The following KCNQ1OT1 variants were observed in gnomAD, a reference collection of about 807,000 sequenced individuals.
KCNQ1OT1 encodes the protein KCNQ1 opposite strand/antisense transcript 1.
chr11:2,659,590 A>G lies in KCNQ1OT1; in HGVS notation n.40405T>C. 1 of 398,548 alleles carries G rather than the reference A, an allele frequency of 2.5e-6. No individual in the cohort carries two copies. Among genetic ancestry groups the G allele is most frequent in the Non-Finnish European group, 4.4e-6 (1 of 226,026 alleles). The allele number at this position is 398,548 out of a possible 1,614,324, so 24.7% of individuals were successfully genotyped here. On this transcript the variant is annotated non_coding_transcript_exon_variant, in exon 1 of 1. Coordinates refer to ENST00000597346, the Ensembl canonical transcript of KCNQ1OT1. This position sits in a 1 kb window ranked among gnomAD's most constrained non-coding sequence, Gnocchi z 4.3. ...CATTTATGTACAGGTTTTTGCGAAC[A>G]TAAAAATTCAATTCACTTGGGTGGG...
At chr11:2,693,059 T>A (rs1300147862) in exon 1 of KCNQ1OT1, 2 of 398,516 alleles carry the variant, frequency 5.0e-6, no homozygotes, top group African/African-American at 2.1e-5. Context: ...GAGAAAGGCA[T>A]CCAGTTAGCC....
At chr11:2,609,520 A>G in exon 1 of KCNQ1OT1, 1 of 398,368 alleles carries the variant, frequency 2.5e-6, no homozygotes, top group Admixed American at 4.4e-5. Flanking sequence ...GAAGTGCTCT[A>G]TAATTACCTT....
Position 2,627,227 on chromosome 11 carries a change from TA to T in KCNQ1OT1, n.72767del, listed in dbSNP as rs1199095708. On this transcript the variant is annotated non_coding_transcript_exon_variant, in exon 1 of 1. Transcript: ENST00000597346. The surrounding 1 kb of genome is among the most constrained non-coding windows in gnomAD (Gnocchi z 4.9). ...TTGACAAATTAAAAGTGCATATATT[TA>T]AGAACATATTTGACCTACTGTGAAA... The T allele has an allele frequency of 2.5e-5, 10 of 398,442 alleles. No homozygotes were observed. In the Admixed American group the frequency reaches 4.4e-4, roughly 18 times the overall value. The allele number at this position is 398,442 out of a possible 1,614,324, so 24.7% of individuals were successfully genotyped here. A position where few individuals can be genotyped will look rare whatever the true frequency, so the allele number is the denominator to read the frequency against.
chr11:2,699,275 G>A (rs1850730865), exon 1 of KCNQ1OT1: 1 of 398,870 alleles, frequency 2.5e-6, no homozygotes, highest in East Asian at 3.6e-5. Flanking sequence ...GCCCAGGCCA[G>A]GCTGCACTGC....
rs1849686905 is a variant in KCNQ1OT1 at position 2,647,659 on chromosome 11, GAT to G, written n.52334_52335del. On this transcript the variant is annotated non_coding_transcript_exon_variant, in exon 1 of 1. Coordinates refer to ENST00000597346, the Ensembl canonical transcript of KCNQ1OT1. This position sits in a 1 kb window ranked among gnomAD's most constrained non-coding sequence, Gnocchi z 4.0. Reference sequence around the variant, plus strand: ...TTCTTTACTGGGAGACTTTATTACTGATACAATCTCATTCCTTGTTATTGCTC... The same window carrying G: ...TTCTTTACTGGGAGACTTTATTACTGACAATCTCATTCCTTGTTATTGCTC... 2.5e-6 allele frequency: 1 copy of G among 398,338 alleles called. No individual in the cohort carries two copies. Among genetic ancestry groups the G allele is most frequent in the Non-Finnish European group, 4.4e-6 (1 of 226,026 alleles). The allele number at this position is 398,338 out of a possible 1,614,324, so 24.7% of individuals were successfully genotyped here.
rs1849172745 is a variant in KCNQ1OT1 at position 2,621,546 on chromosome 11, G to C, written n.78449C>G. 1 of 398,282 alleles carries C rather than the reference G, an allele frequency of 2.5e-6. No homozygotes were observed. The highest frequency in any genetic ancestry group is 1.3e-4 in the South Asian group (1 of 7,850). 24.7% of individuals were successfully genotyped at this position (398,282 alleles called of 1,614,324 possible). On this transcript the variant is annotated non_coding_transcript_exon_variant, in exon 1 of 1. Transcript: ENST00000597346. The surrounding 1 kb of genome is among the most constrained non-coding windows in gnomAD (Gnocchi z 5.7). ...TCTTTTGCTATGCAGAAGCTCTTTA[G>C]TTTACCACTGTGATCTCTTTGCTAT...
exon 1 of KCNQ1OT1, chr11:2,672,100 C>T: frequency 5.0e-6 from 2 of 398,732 alleles, no homozygotes; most frequent in Non-Finnish European, 8.8e-6. Flanking sequence ...GTCTTCTGCC[C>T]ACAGGGGACC....
At chr11:2,696,305 C>T (rs1294447476) in exon 1 of KCNQ1OT1, 1 of 398,632 alleles carries the variant, frequency 2.5e-6, no homozygotes, top group African/African-American at 2.1e-5. Context: ...AGTTAGGAAT[C>T]CATATTCCTA....
chr11:2,629,055 T>A, exon 1 of KCNQ1OT1: 1 of 398,330 alleles, frequency 2.5e-6, no homozygotes, highest in Non-Finnish European at 4.4e-6. Context: ...ATTGCTCAAG[T>A]ATGCTTTAGA....
exon 1 of KCNQ1OT1, chr11:2,684,589 ACTGT>A (rs1850452924): frequency 5.0e-6 from 2 of 398,638 alleles, no homozygotes; most frequent in East Asian, 3.6e-5. Flanking sequence ...GAGGAGAGTG[ACTGT>A]CCTTTGTCTG....
At chr11:2,666,919 A>G (rs1850081965) in exon 1 of KCNQ1OT1, 1 of 398,672 alleles carries the variant, frequency 2.5e-6, no homozygotes, top group African/African-American at 2.1e-5. Context: ...TGTCTTCTGC[A>G]AAGCTCCAGA....
chr11:2,636,917 G>C (rs538542338), exon 1 of KCNQ1OT1: 8 of 152,064 alleles, frequency 5.3e-5, no homozygotes, highest in Non-Finnish European at 1.5e-5. Flanking sequence ...GTCTTGGAAG[G>C]GTGTATGTCT....
chr11:2,686,810 C>G (rs1850497458), exon 1 of KCNQ1OT1: 1 of 398,598 alleles, frequency 2.5e-6, no homozygotes, highest in South Asian at 1.3e-4. Flanking sequence ...CTGCTCACCC[C>G]TAAAGAGCAG....
chr11:2,699,302 G>C, exon 1 of KCNQ1OT1: 1 of 399,002 alleles, frequency 2.5e-6, no homozygotes, highest in Non-Finnish European at 4.4e-6. Context: ...CTGTGATCTG[G>C]GACGGCCGCG....
Position 2,627,449 on chromosome 11 carries a change from C to T in KCNQ1OT1, n.72546G>A. ...TCTATGTTTGTACCCTTCAACATTT[C>T]CTATTTCCCCTACTCCCTGACCCCT... On this transcript the variant is annotated non_coding_transcript_exon_variant, in exon 1 of 1. Transcript: ENST00000597346. This position sits in a 1 kb window ranked among gnomAD's most constrained non-coding sequence, Gnocchi z 4.9. The T allele has an allele frequency of 2.5e-6, 1 of 398,532 alleles. No homozygotes were observed. Among genetic ancestry groups the T allele is most frequent in the Non-Finnish European group, 4.4e-6 (1 of 226,036 alleles). The allele number at this position is 398,532 out of a possible 1,614,324, so 24.7% of individuals were successfully genotyped here.
exon 1 of KCNQ1OT1, chr11:2,640,914 A>C: frequency 2.5e-6 from 1 of 399,460 alleles, no homozygotes; most frequent in Non-Finnish European, 4.4e-6. Context: ...ACATATGATA[A>C]TAACATAAGA....
chr11:2,651,223 C>G lies in KCNQ1OT1; in HGVS notation n.48772G>C. The G allele has an allele frequency of 2.5e-6, 1 of 398,642 alleles. No individual in the cohort carries two copies. The highest frequency in any genetic ancestry group is 4.4e-6 in the Non-Finnish European group (1 of 226,084). 24.7% of individuals were successfully genotyped at this position (398,642 alleles called of 1,614,324 possible). ...CTGTCACCCTGTCTTGTGTCAGTCTCACAGCACACACAGCTTAATTCAGGA... is the reference window on the plus strand; with the variant it reads ...CTGTCACCCTGTCTTGTGTCAGTCTGACAGCACACACAGCTTAATTCAGGA... On this transcript the variant is annotated non_coding_transcript_exon_variant, in exon 1 of 1. Transcript: ENST00000597346. This position sits in a 1 kb window ranked among gnomAD's most constrained non-coding sequence, Gnocchi z 6.1.
rs1265872707 is a variant in KCNQ1OT1, at chr11:2,679,630, G to GA, written n.20364dup. On this transcript the variant is annotated non_coding_transcript_exon_variant, in exon 1 of 1. Coordinates refer to ENST00000597346, the Ensembl canonical transcript of KCNQ1OT1. This position sits in a 1 kb window ranked among gnomAD's most constrained non-coding sequence, Gnocchi z 4.8. ...GTTGGAATGAATAGTATCAGCATCA[G>GA]AAAAAATACAAGTGCATCCTCATAA... 2 of 398,418 alleles carry GA rather than the reference G, an allele frequency of 5.0e-6. No individual in the cohort carries two copies. The highest frequency in any genetic ancestry group is 8.8e-6 in the Non-Finnish European group (2 of 226,048). 24.7% of individuals were successfully genotyped at this position (398,418 alleles called of 1,614,324 possible).
In KCNQ1OT1 at chr11:2,608,940, CTCTCTT is replaced by C. The variant is rs1213880426; in HGVS notation, n.91049_91054del. Reference sequence around the variant, plus strand: ...CCCTTCTTTTCTTCTCCCTCTCCCTCTCTCTTACCAATCTATCAAAGGTTTGTTAAT... The same window carrying C: ...CCCTTCTTTTCTTCTCCCTCTCCCTCACCAATCTATCAAAGGTTTGTTAAT... On this transcript the variant is annotated non_coding_transcript_exon_variant, in exon 1 of 1. Transcript: ENST00000597346. This position sits in a 1 kb window ranked among gnomAD's most constrained non-coding sequence, Gnocchi z 4.6. The C allele has an allele frequency of 2.5e-6, 1 of 398,404 alleles. No individual in the cohort carries two copies. The highest frequency in any genetic ancestry group is 2.1e-5 in the African/African-American group (1 of 48,578). The allele number at this position is 398,404 out of a possible 1,614,324, so 24.7% of individuals were successfully genotyped here.
Sources: gnomAD v4.1 joint callset for allele counts on GRCh38, gnomAD v4.1.1 for gene constraint, Gnocchi (gnomAD v3.1) non-coding constraint, MANE v1.5 for transcripts, NCBI Gene and HGNC (gene_info 2026-07-23, HGNC 2026-07-21) for gene names.